The following RBKS variants were observed in gnomAD, a reference collection of about 807,000 sequenced individuals.
RBKS encodes the protein ribokinase.
RBKS carries 33 observed loss-of-function variants against 33.9 expected under a neutral mutation model. The observed-to-expected ratio is 0.97, with a 90% CI of 0.74 to 1.30. The LOEUF (loss-of-function observed/expected upper bound fraction) is 1.30, where lower values mean the gene tolerates loss of function less well. Ranked by LOEUF, RBKS falls within the 50% of genes most tolerant of loss-of-function variation. RBKS has a pLI of 0.00. For missense variants in RBKS, 361 were observed against 392.6 expected (o/e 0.92, Z 0.68); for synonymous variants, 125 against 143.0 (o/e 0.87, Z 0.90).
intron 7 of RBKS, among the ~76,000 whole-genome samples, chr2:27,804,670 C>T (rs1023272565): frequency 6.6e-6 from 1 of 152,172 alleles, no homozygotes; most frequent in Non-Finnish European, 1.5e-5. Context: ...ACAGGTTTAG[C>T]TTCCTTCCTG....
chr2:27,888,618 GTACCATAT>G (rs1664604728), intron 1 of RBKS, among the ~76,000 whole-genome samples: 3 of 152,078 alleles, frequency 2.0e-5, no homozygotes, highest in Non-Finnish European at 2.9e-5. Flanking sequence ...AATTTAGTAA[GTACCATAT>G]AACCTTTTCT....
Position 27,862,239 on chromosome 2 carries a change from C to T in RBKS, c.90-3668G>A, listed in dbSNP as rs116312120. On this transcript the variant is annotated intron_variant, in intron 1 of 7. Coordinates refer to ENST00000302188, the MANE Select transcript of RBKS (RefSeq NM_022128.3). Reference sequence around the variant, plus strand: ...TGTAGGGATTGCATGCGTGAGCCACCGTGCCTGGCTGATTTATGTTATTTA... The same window carrying T: ...TGTAGGGATTGCATGCGTGAGCCACTGTGCCTGGCTGATTTATGTTATTTA... Among the ~76,000 whole-genome samples the T allele has an allele frequency of 6.9e-3, 1,045 of 152,012 alleles. 11 individuals carry two copies. The highest frequency in any genetic ancestry group is 0.024 in the African/African-American group (977 of 41,446).
In RBKS at chr2:27,864,625, A is replaced by ACAC. The variant is rs1259810696; in HGVS notation, c.90-6057_90-6055dup. The stretch of plus-strand genomic sequence containing the variant: ...GACTTCCCAGACCACCTTATAGGAG[A>ACAC]CACTCCCTTCTTAATATAATTTTTA... On this transcript the variant is annotated intron_variant, in intron 1 of 7. Coordinates refer to ENST00000302188, the MANE Select transcript of RBKS (RefSeq NM_022128.3). Among the ~76,000 whole-genome samples, 3 of 152,144 alleles carry ACAC rather than the reference A, an allele frequency of 2.0e-5. No individual in the cohort carries two copies. In the East Asian group the frequency reaches 5.8e-4, roughly 29 times the overall value.
chr2:27,783,985 T>TC (rs1677343546), intron 7 of RBKS, among the ~76,000 whole-genome samples: 6 of 80,060 alleles, frequency 7.5e-5, no homozygotes, highest in Admixed American at 6.1e-4. Context: ...CTTTTTTTTT[T>TC]TTTTTTTTTT....
chr2:27,816,124 A>G (rs777769337), intron 7 of RBKS, among the ~76,000 whole-genome samples: 2 of 152,218 alleles, frequency 1.3e-5, no homozygotes, highest in Non-Finnish European at 2.9e-5. Flanking sequence ...CCCTGGTTCA[A>G]TTCCTCAAAG....
chr2:27,832,684 A>G lies in RBKS; in HGVS notation c.606+2T>C. 1 of 1,601,110 alleles carries G rather than the reference A, an allele frequency of 6.2e-7. No individual in the cohort carries two copies. Among genetic ancestry groups the G allele is most frequent in the East Asian group, 2.2e-5 (1 of 44,826 alleles). ...AGAATGAGCAAAGCAATTCACCCTTACCTCACTTTCATTGCAGCAGAACAC... is the reference window on the plus strand; with the variant it reads ...AGAATGAGCAAAGCAATTCACCCTTGCCTCACTTTCATTGCAGCAGAACAC... On this transcript the variant is annotated splice_donor_variant, in intron 6 of 7. Transcript: ENST00000302188. LOFTEE classifies it high-confidence loss of function.
Position 27,781,599 on chromosome 2 carries a change from T to C in RBKS, c.*16A>G. 1 of 1,585,872 alleles carries C rather than the reference T, an allele frequency of 6.3e-7. No homozygotes were observed. The highest frequency in any genetic ancestry group is 8.6e-7 in the Non-Finnish European group (1 of 1,164,228). On this transcript the variant is annotated 3_prime_UTR_variant, in exon 8 of 8. Transcript: ENST00000302188. ...CATTTTATTCCCAGGTATATTTATTTTGGGACTAATAGCAATCAAAACAGA... is the reference window on the plus strand; with the variant it reads ...CATTTTATTCCCAGGTATATTTATTCTGGGACTAATAGCAATCAAAACAGA...
chr2:27,802,693 C>T (rs1478482071), intron 7 of RBKS, among the ~76,000 whole-genome samples: 3 of 152,188 alleles, frequency 2.0e-5, no homozygotes, highest in Non-Finnish European at 4.4e-5. Context: ...CTGCTTTCCT[C>T]ACTGAGCCAG....
At chr2:27,829,525 C>T (rs186024480) in intron 6 of RBKS, among the ~76,000 whole-genome samples, 16 of 152,112 alleles carry the variant, frequency 1.1e-4, no homozygotes, top group Admixed American at 2.6e-4. Flanking sequence ...CATGCCACCA[C>T]ACCTGGCTAA....
chr2:27,815,211 T>C (rs555647356), intron 7 of RBKS, among the ~76,000 whole-genome samples: 2 of 152,204 alleles, frequency 1.3e-5, no homozygotes, highest in East Asian at 1.9e-4. Context: ...GTGGTTTTTT[T>C]TCCCCCCTCT....
chr2:27,814,941 G>A lies in RBKS; in HGVS notation c.795+12626C>T, dbSNP rs149278886. 2.7e-3 allele frequency among the ~76,000 whole-genome samples: 404 copies of A among 152,094 alleles called. 1 individual carries two copies. The highest frequency in any genetic ancestry group is 0.017 in the East Asian group (87 of 5,186). On this transcript the variant is annotated intron_variant, in intron 7 of 7. Transcript: ENST00000302188. Reference sequence around the variant, plus strand: ...CAGTACATTCTGTTCACACACACACGTACACATAAGCACATGACATTCATG... The same window carrying A: ...CAGTACATTCTGTTCACACACACACATACACATAAGCACATGACATTCATG...
At chr2:27,845,438 G>A (rs1237322389) in intron 4 of RBKS, among the ~76,000 whole-genome samples, 1 of 152,092 alleles carries the variant, frequency 6.6e-6, no homozygotes, top group Non-Finnish European at 1.5e-5. Context: ...TACCAAATAG[G>A]CACTTGACAC....
At chr2:27,846,963 G>A (rs2148213530) in intron 4 of RBKS, 79 bp downstream of exon 4, 1 of 988,054 alleles carries the variant, frequency 1.0e-6, no homozygotes, top group Non-Finnish European at 1.6e-6. Context: ...ATAGGATTAT[G>A]GTAAAAATTG....
At chr2:27,834,209 T>C (rs181449844) in intron 5 of RBKS, among the ~76,000 whole-genome samples, 4 of 152,332 alleles carry the variant, frequency 2.6e-5, no homozygotes, top group Admixed American at 2.0e-4. Context: ...GGTGAGGACA[T>C]CTAGTCTACT....
At chr2:27,849,579 AAAAAAAAGAAAAAG>A (rs1203973788) in intron 2 of RBKS, among the ~76,000 whole-genome samples, 4 of 147,696 alleles carry the variant, frequency 2.7e-5, no homozygotes, top group South Asian at 2.1e-4. Context: ...AAAAAAAAAA[AAAAAAAAGAAAAAG>A]AAAAAAAGAA....
intron 1 of RBKS, among the ~76,000 whole-genome samples, chr2:27,860,012 C>G (rs554803275): frequency 5.9e-5 from 9 of 152,244 alleles, no homozygotes; most frequent in African/African-American, 2.2e-4. Flanking sequence ...TGAACTACTC[C>G]ATTCCCTTGC....
At chr2:27,883,126 G>T (rs1399438735) in intron 1 of RBKS, among the ~76,000 whole-genome samples, 1 of 151,946 alleles carries the variant, frequency 6.6e-6, no homozygotes, top group African/African-American at 2.4e-5. Context: ...CCCAGTCTTA[G>T]GTATTCTGTT....
At chr2:27,789,927 A>G (rs56158418) in intron 7 of RBKS, among the ~76,000 whole-genome samples, 31,049 of 99,684 alleles carry the variant, frequency 0.31, 4,330 homozygotes, top group East Asian at 0.7. Flanking sequence ...TTGTGTGTGT[A>G]TATATATATA....
At chr2:27,887,458 CTAATA>C (rs1458065786) in intron 1 of RBKS, among the ~76,000 whole-genome samples, 3 of 152,162 alleles carry the variant, frequency 2.0e-5, no homozygotes, top group Non-Finnish European at 4.4e-5. Context: ...CAGTAGATAA[CTAATA>C]TAATCATGAT....
Sources: allele counts gnomAD v4.1 joint callset (sites outside exome capture counted in the v4.1 genomes callset), GRCh38; gene constraint gnomAD v4.1.1; transcripts MANE v1.5; gene names NCBI Gene and HGNC (gene_info 2026-07-23, HGNC 2026-07-21).